The following SGCZ variants were observed in gnomAD, a reference collection of about 807,000 sequenced individuals.
The protein encoded by SGCZ is sarcoglycan zeta.
Under a neutral mutation model 41.3 loss-of-function variants are expected in SGCZ, and 40 were observed. That is an observed-to-expected ratio of 0.97 (90% CI 0.75 to 1.26). The LOEUF is 1.26. Ranked by LOEUF, SGCZ falls within the 50% of genes most tolerant of loss-of-function variation. The pLI is 0.00. For missense variants in SGCZ, 552 were observed against 369.8 expected (o/e 1.49, Z -4.04); for synonymous variants, 206 against 137.5 (o/e 1.50, Z -3.49).
At chr8:14,171,612 AT>A (rs1392948600) in intron 4 of SGCZ, among the ~76,000 whole-genome samples, 3 of 151,978 alleles carry the variant, frequency 2.0e-5, no homozygotes, top group African/African-American at 7.2e-5. Context: ...ATATATTTAC[AT>A]TTTCTAACAT....
At chr8:14,879,769 C>A (rs1322911101) in intron 1 of SGCZ, 1 of 151,534 alleles carries the variant, frequency 6.6e-6, no homozygotes, top group Middle Eastern at 3.1e-3. Context: ...TAGATTCTCA[C>A]TTCTACCAAC....
At chr8:15,133,746 A>C (rs1291331532) in intron 1 of SGCZ, among the ~76,000 whole-genome samples, 1 of 152,254 alleles carries the variant, frequency 6.6e-6, no homozygotes, top group East Asian at 1.9e-4. Flanking sequence ...GAAGATAATA[A>C]GAGTAGACCA....
intron 2 of SGCZ, among the ~76,000 whole-genome samples, chr8:14,382,814 G>C (rs1804419172): frequency 6.6e-6 from 1 of 152,180 alleles, no homozygotes; most frequent in African/African-American, 2.4e-5. Flanking sequence ...GGAGTAACCA[G>C]TGGTCTTTGT....
At chr8:14,154,358 G>A (rs1434738304) in intron 5 of SGCZ, among the ~76,000 whole-genome samples, 1 of 149,186 alleles carries the variant, frequency 6.7e-6, no homozygotes, top group East Asian at 2.0e-4. Context: ...GACATAGCAA[G>A]ACTCTGTTTC....
rs577068739 is a variant in SGCZ at position 14,262,481 on chromosome 8, C to T, written c.337-24802G>A. The stretch of plus-strand genomic sequence containing the variant: ...AGGTTAATTAATTTAAAGTGGAATA[C>T]CCACATGTGACAAATAGCCATAGTA... On this transcript the variant is annotated intron_variant, in intron 3 of 7. Coordinates refer to ENST00000382080, the MANE Select transcript of SGCZ (RefSeq NM_139167.4). 2.0e-5 allele frequency among the ~76,000 whole-genome samples: 3 copies of T among 152,004 alleles called. No individual in the cohort carries two copies. In the East Asian group the frequency reaches 5.8e-4, roughly 29 times the overall value.
intron 3 of SGCZ, among the ~76,000 whole-genome samples, chr8:14,313,095 T>A (rs971726130): frequency 1.3e-5 from 2 of 152,296 alleles, no homozygotes; most frequent in Non-Finnish European, 2.9e-5. Flanking sequence ...CATAACTACT[T>A]CGAGCCAAGT....
At chr8:15,157,988 C>T (rs1799384314) in intron 1 of SGCZ, among the ~76,000 whole-genome samples, 1 of 152,200 alleles carries the variant, frequency 6.6e-6, no homozygotes, top group Admixed American at 6.5e-5. Flanking sequence ...ACTGTCCTCA[C>T]TTTTGTTTTG....
At chr8:14,821,042 G>T (rs1489576363) in intron 1 of SGCZ, among the ~76,000 whole-genome samples, 1 of 151,706 alleles carries the variant, frequency 6.6e-6, no homozygotes, top group East Asian at 1.9e-4. Flanking sequence ...AAAACAATTG[G>T]TTTGTAAAAG....
chr8:15,089,997 T>G (rs890656322), intron 1 of SGCZ, among the ~76,000 whole-genome samples: 1 of 152,248 alleles, frequency 6.6e-6, no homozygotes, highest in Non-Finnish European at 1.5e-5. Flanking sequence ...ATTCAAAGTC[T>G]GTGGCTTAAC....
chr8:14,559,918 C>T (rs985999598), intron 1 of SGCZ, among the ~76,000 whole-genome samples: 31 of 151,842 alleles, frequency 2.0e-4, no homozygotes, highest in African/African-American at 7.0e-4. Flanking sequence ...TCTGATTTGG[C>T]GTAGATGTGA....
chr8:14,567,772 C>T (rs536057925), intron 1 of SGCZ, among the ~76,000 whole-genome samples: 1 of 151,986 alleles, frequency 6.6e-6, no homozygotes, highest in African/African-American at 2.4e-5. Context: ...CCAGGGAGAC[C>T]ACGAACCCAC....
chr8:15,133,677 C>A (rs907749549), intron 1 of SGCZ, among the ~76,000 whole-genome samples: 1 of 152,034 alleles, frequency 6.6e-6, no homozygotes, highest in Non-Finnish European at 1.5e-5. Context: ...ATGAATAATG[C>A]CCATGTAATT....
At chr8:15,042,945 A>G (rs1324925596) in intron 1 of SGCZ, among the ~76,000 whole-genome samples, 1 of 152,196 alleles carries the variant, frequency 6.6e-6, no homozygotes, top group African/African-American at 2.4e-5. Flanking sequence ...CTCTGCTCCC[A>G]TAATGCAGTC....
intron 1 of SGCZ, among the ~76,000 whole-genome samples, chr8:14,664,101 A>C (rs972862677): frequency 6.6e-6 from 1 of 152,226 alleles, no homozygotes; most frequent in Non-Finnish European, 1.5e-5. Context: ...ATGAGAAATG[A>C]GGACTAAATG....
intron 1 of SGCZ, among the ~76,000 whole-genome samples, chr8:15,088,463 T>C: frequency 6.6e-6 from 1 of 152,186 alleles, no homozygotes; most frequent in South Asian, 2.1e-4. Flanking sequence ...CAGTAAATAA[T>C]TTTGCCACAA....
chr8:14,499,037 C>T (rs1323098342), intron 2 of SGCZ, among the ~76,000 whole-genome samples: 1 of 151,780 alleles, frequency 6.6e-6, no homozygotes, highest in Admixed American at 6.6e-5. Context: ...CTATGGTTCC[C>T]ACTGGTTTGA....
intron 1 of SGCZ, among the ~76,000 whole-genome samples, chr8:14,624,978 C>T (rs1806406046): frequency 6.6e-6 from 1 of 152,068 alleles, no homozygotes; most frequent in Non-Finnish European, 1.5e-5. Context: ...TGGTCATTCA[C>T]CACACATGAA....
chr8:14,674,928 G>GC lies in SGCZ; in HGVS notation c.40-120003_40-120002insG, dbSNP rs1554478141. ...GCCAATTTAACCTCTTTTCTTTTCT[G>GC]TTTTTTTTTTTTTTTTTTTTTTTTT... is the stretch of plus-strand genomic sequence containing the variant. On this transcript the variant is annotated intron_variant, in intron 1 of 7. Transcript: ENST00000382080. 2.0e-3 allele frequency among the ~76,000 whole-genome samples: 145 copies of GC among 71,002 alleles called. 26 individuals carry two copies. The highest frequency in any genetic ancestry group is 6.3e-3 in the African/African-American group (124 of 19,694). The allele number at this position is 71,002 out of a possible 152,430, so 46.6% of individuals were successfully genotyped here.
chr8:14,670,521 T>G (rs143280260), intron 1 of SGCZ, among the ~76,000 whole-genome samples: 187 of 152,258 alleles, frequency 1.2e-3, no homozygotes, highest in African/African-American at 3.8e-3. Flanking sequence ...ATACTAAGAC[T>G]TCCTAATGAT....
Sources: gnomAD v4.1 joint callset for allele counts (sites outside exome capture counted in the v4.1 genomes callset) on GRCh38, gnomAD v4.1.1 for gene constraint, MANE v1.5 for transcripts, NCBI Gene and HGNC (gene_info 2026-07-23, HGNC 2026-07-21) for gene names.